Variants in PARD3B observed in about 807,000 individuals in gnomAD.
The protein encoded by PARD3B is partitioning defective 3 homolog B.
PARD3B carries 103 observed loss-of-function variants against 130.2 expected under a neutral mutation model. That is an observed-to-expected ratio of 0.79 (90% CI 0.67 to 0.93). The LOEUF (loss-of-function observed/expected upper bound fraction) is 0.93, where lower values mean the gene tolerates loss of function less well. Among genes scored for constraint, PARD3B ranks in the 40% least tolerant of loss-of-function variants. The pLI is 0.00. For synonymous variants in PARD3B, 583 were observed against 553.2 expected (o/e 1.05, Z -0.76); for missense variants, 1,609 against 1,499.2 (o/e 1.07, Z -1.21).
chr2:204,890,071 C>A lies in PARD3B; in HGVS notation c.223-75081C>A, dbSNP rs557348981. On this transcript the variant is annotated intron_variant, in intron 2 of 22. Transcript: ENST00000406610. This position sits in a 1 kb window ranked among gnomAD's most constrained non-coding sequence, Gnocchi z 4.9. Reference sequence around the variant, plus strand: ...TTTGGCATATGTTCTCTGGGACTATCGGTTTTATTGCAACTGGATGCAGAA... The same window carrying A: ...TTTGGCATATGTTCTCTGGGACTATAGGTTTTATTGCAACTGGATGCAGAA... Among the ~76,000 whole-genome samples the A allele has an allele frequency of 3.9e-5, 6 of 152,164 alleles. No homozygotes were observed. The highest frequency in any genetic ancestry group is 1.4e-4 in the African/African-American group (6 of 41,428).
At chr2:204,761,262 C>T (rs192123081) in intron 2 of PARD3B, among the ~76,000 whole-genome samples, 33 of 152,288 alleles carry the variant, frequency 2.2e-4, no homozygotes, top group Admixed American at 3.9e-4. Context: ...TCTTCTCAAA[C>T]CTTCAGCTTC....
chr2:205,364,119 C>A (rs938667426), intron 18 of PARD3B, among the ~76,000 whole-genome samples: 1 of 152,134 alleles, frequency 6.6e-6, no homozygotes, highest in African/African-American at 2.4e-5. Context: ...CCTAAGTAAT[C>A]AACCATGCCA....
intron 4 of PARD3B, among the ~76,000 whole-genome samples, chr2:205,057,507 ATG>A (rs1699752402): frequency 1.4e-5 from 2 of 144,652 alleles, no homozygotes; most frequent in African/African-American, 2.6e-5. Flanking sequence ...ATATACATAT[ATG>A]TGTATGTGCA....
At chr2:204,973,341 G>A (rs917009133) in intron 3 of PARD3B, among the ~76,000 whole-genome samples, 4 of 152,084 alleles carry the variant, frequency 2.6e-5, no homozygotes, top group Admixed American at 2.6e-4. Flanking sequence ...CCATGAAATA[G>A]ATTACATTTT....
At chr2:205,223,126 C>A (rs150702774) in intron 15 of PARD3B, among the ~76,000 whole-genome samples, 3 of 151,920 alleles carry the variant, frequency 2.0e-5, no homozygotes, top group African/African-American at 4.8e-5. Context: ...GTGAGATCAG[C>A]GGCATTTTCA....
rs183569448 is a variant in PARD3B, at chr2:205,187,812, G to A, written c.2024+1949G>A. On this transcript the variant is annotated intron_variant, in intron 14 of 22. Transcript: ENST00000406610. The surrounding 1 kb of genome is among the most constrained non-coding windows in gnomAD (Gnocchi z 4.9). ...TCCTTCCTAGTCCCGTGTGTTTTAGGCCTCTGTTCTCACTTCTTTATTAGA... is the reference window on the plus strand; with the variant it reads ...TCCTTCCTAGTCCCGTGTGTTTTAGACCTCTGTTCTCACTTCTTTATTAGA... 3.9e-5 allele frequency among the ~76,000 whole-genome samples: 6 copies of A among 152,176 alleles called. No individual in the cohort carries two copies. The highest frequency in any genetic ancestry group is 1.4e-4 in the African/African-American group (6 of 41,532).
chr2:205,263,029 A>T lies in PARD3B; in HGVS notation c.2185+17207A>T, dbSNP rs942912847. 3.1e-4 allele frequency among the ~76,000 whole-genome samples: 47 copies of T among 152,230 alleles called. No individual in the cohort carries two copies. The highest frequency in any genetic ancestry group is 1.1e-3 in the African/African-American group (46 of 41,562). On this transcript the variant is annotated intron_variant, in intron 16 of 22. Coordinates refer to ENST00000406610, the MANE Select transcript of PARD3B (RefSeq NM_001302769.2). This position sits in a 1 kb window ranked among gnomAD's most constrained non-coding sequence, Gnocchi z 4.0. ...CAAAAGACAATACAGAGCTAGATTG[A>T]AAGCCCAAGGTACTGCCATGGGGGT...
chr2:205,546,203 C>A (rs984925673), intron 21 of PARD3B, among the ~76,000 whole-genome samples: 3 of 152,120 alleles, frequency 2.0e-5, no homozygotes, highest in African/African-American at 7.2e-5. Context: ...ACGTGCAAGG[C>A]GCACCAAGGT....
intron 3 of PARD3B, among the ~76,000 whole-genome samples, chr2:205,045,483 A>G (rs918564576): frequency 2.6e-5 from 4 of 151,932 alleles, no homozygotes; most frequent in African/African-American, 9.7e-5. Context: ...CCTGACCTCC[A>G]GTGATCCACT....
rs2125780888 is a variant in PARD3B, at chr2:205,183,484, G to A, written c.1925-2280G>A. ...CTTAGCAAGTCTTGAATGCCTGACT[G>A]CTGCCACCACTAACAAATCAATGGG... is the stretch of plus-strand genomic sequence containing the variant. On this transcript the variant is annotated intron_variant, in intron 13 of 22. Coordinates refer to ENST00000406610, the MANE Select transcript of PARD3B (RefSeq NM_001302769.2). The surrounding 1 kb of genome is among the most constrained non-coding windows in gnomAD (Gnocchi z 5.2). 6.6e-6 allele frequency among the ~76,000 whole-genome samples: 1 copy of A among 152,226 alleles called. No individual in the cohort carries two copies. The highest frequency in any genetic ancestry group is 1.5e-5 in the Non-Finnish European group (1 of 67,990).
At chr2:205,277,747 G>A (rs542181834) in intron 16 of PARD3B, among the ~76,000 whole-genome samples, 13 of 152,254 alleles carry the variant, frequency 8.5e-5, no homozygotes, top group African/African-American at 2.6e-4. Context: ...GAGAGGTGAA[G>A]TAAGATGAGT....
At chr2:204,926,121 G>A (rs764032857) in intron 2 of PARD3B, among the ~76,000 whole-genome samples, 5 of 152,040 alleles carry the variant, frequency 3.3e-5, no homozygotes, top group Non-Finnish European at 7.4e-5. Context: ...AGAGATATAT[G>A]CGTATCTAGC....
intron 2 of PARD3B, among the ~76,000 whole-genome samples, chr2:204,815,544 C>CT (rs2043113979): frequency 6.6e-6 from 1 of 151,824 alleles, no homozygotes; most frequent in Admixed American, 6.6e-5. Flanking sequence ...CCACTCTGTT[C>CT]TTTACCATTT....
At chr2:205,094,074 G>A (rs372782669) in intron 4 of PARD3B, among the ~76,000 whole-genome samples, 83 of 152,078 alleles carry the variant, frequency 5.5e-4, no homozygotes, top group East Asian at 1.9e-4. Context: ...TGACTCTTCC[G>A]CTGTTCCTCC....
chr2:205,380,934 G>GAATATATATAATATATAAAA (rs1553499139), intron 18 of PARD3B, among the ~76,000 whole-genome samples: 1 of 81,434 alleles, frequency 1.2e-5, no homozygotes, highest in African/African-American at 6.4e-5. Flanking sequence ...AATATATAAA[G>GAATATATATAATATATAAAA]AATATATATA....
chr2:204,895,675 G>C (rs538106677), intron 2 of PARD3B, among the ~76,000 whole-genome samples: 2 of 152,140 alleles, frequency 1.3e-5, no homozygotes, highest in South Asian at 4.1e-4. Flanking sequence ...AATACTAACT[G>C]TATTGTGCTT....
Position 205,160,206 on chromosome 2 carries a change from A to T in PARD3B, c.1620+1299A>T, listed in dbSNP as rs2034427336. Reference sequence around the variant, plus strand: ...TTTTGTCGCATAATAAATAGTCATAATTTTTCAGTAATATACACATCAATA... The same window carrying T: ...TTTTGTCGCATAATAAATAGTCATATTTTTTCAGTAATATACACATCAATA... On this transcript the variant is annotated intron_variant, in intron 11 of 22. Coordinates refer to ENST00000406610, the MANE Select transcript of PARD3B (RefSeq NM_001302769.2). The surrounding 1 kb of genome is among the most constrained non-coding windows in gnomAD (Gnocchi z 4.0). Among the ~76,000 whole-genome samples the T allele has an allele frequency of 6.6e-6, 1 of 152,128 alleles. No homozygotes were observed. Among genetic ancestry groups the T allele is most frequent in the Non-Finnish European group, 1.5e-5 (1 of 68,022 alleles).
chr2:204,911,012 A>G lies in PARD3B; in HGVS notation c.223-54140A>G, dbSNP rs2047216208. ...ATGGGCACAGAACTAATAATTTGAT[A>G]TTAAATGAAAGTGACTATTTTAATA... On this transcript the variant is annotated intron_variant, in intron 2 of 22. Coordinates refer to ENST00000406610, the MANE Select transcript of PARD3B (RefSeq NM_001302769.2). Among the ~76,000 whole-genome samples, 4 of 152,222 alleles carry G rather than the reference A, an allele frequency of 2.6e-5. No individual in the cohort carries two copies. The South Asian group carries it at 8.3e-4, about 31-fold the overall frequency.
chr2:205,449,460 A>T (rs548995330), intron 20 of PARD3B, among the ~76,000 whole-genome samples: 1 of 151,906 alleles, frequency 6.6e-6, no homozygotes, highest in Non-Finnish European at 1.5e-5. Flanking sequence ...CGAACTCCTG[A>T]CCTCAGGTGA....
Sources: allele counts gnomAD v4.1 joint callset (sites outside exome capture counted in the v4.1 genomes callset), GRCh38; gene constraint gnomAD v4.1.1; non-coding constraint Gnocchi (gnomAD v3.1); transcripts MANE v1.5; gene names NCBI Gene and HGNC (gene_info 2026-07-23, HGNC 2026-07-21).